The following UBE3C variants were observed in gnomAD, a reference collection of about 807,000 sequenced individuals.
The protein encoded by UBE3C is ubiquitin-protein ligase E3C.
In UBE3C, 42 loss-of-function variants were observed where a neutral mutation model predicts 129.4. The ratio of observed to expected loss-of-function variants is 0.32; its 90% CI spans 0.25 to 0.42. UBE3C has a LOEUF of 0.42. Among genes scored for constraint, UBE3C ranks in the 10% least tolerant of loss-of-function variants. UBE3C has a pLI of 1.00. For missense variants in UBE3C, 1,049 were observed against 1,319.1 expected (o/e 0.80, Z 3.17); for synonymous variants, 510 against 492.4 (o/e 1.04, Z -0.47).
intron 1 of UBE3C, among the ~76,000 whole-genome samples, chr7:157,148,994 T>G (rs547849074): frequency 1.3e-5 from 2 of 152,234 alleles, no homozygotes; most frequent in East Asian, 3.9e-4. Context: ...AATACAGTTA[T>G]GCTGTATCCT....
At chr7:157,267,558 A>G in intron 22 of UBE3C, 27 bp from the exon 23 acceptor site, 2 of 1,611,092 alleles carry the variant, frequency 1.2e-6, no homozygotes, top group Non-Finnish European at 8.5e-7. Context: ...TGTTACAGTG[A>G]CATCTTGCAC....
rs1285376614 is a variant in UBE3C, at chr7:157,269,333, A to G, written c.*1578A>G. On this transcript the variant is annotated 3_prime_UTR_variant, in exon 23 of 23. Transcript: ENST00000348165. ...GCTTATTTATTTATTTGTATGTTCT[A>G]ATGGCTAAACATTTACATTAAATGT... 6.6e-6 allele frequency: 1 copy of G among 152,234 alleles called. No individual in the cohort carries two copies. The highest frequency in any genetic ancestry group is 1.9e-4 in the East Asian group (1 of 5,204). 9.4% of individuals were successfully genotyped at this position (152,234 alleles called of 1,614,324 possible).
At chr7:157,154,965 T>C (rs372100576) in intron 1 of UBE3C, among the ~76,000 whole-genome samples, 11 of 152,356 alleles carry the variant, frequency 7.2e-5, no homozygotes, top group African/African-American at 2.4e-4. Flanking sequence ...TCAGTTTTTT[T>C]CCCCATCTTT....
chr7:157,193,346 G>A (rs994341108), intron 10 of UBE3C, among the ~76,000 whole-genome samples: 35 of 152,080 alleles, frequency 2.3e-4, no homozygotes, highest in Admixed American at 2.2e-3. Flanking sequence ...CAGATCATTG[G>A]GTGTCTCGCT....
At chr7:157,209,991 C>T (rs967859545) in intron 13 of UBE3C, among the ~76,000 whole-genome samples, 1 of 152,096 alleles carries the variant, frequency 6.6e-6, no homozygotes, top group Non-Finnish European at 1.5e-5. Context: ...CCAGCCTGGC[C>T]AAGATGGTGA....
chr7:157,142,930 G>C (rs972970893), intron 1 of UBE3C, among the ~76,000 whole-genome samples: 1 of 151,324 alleles, frequency 6.6e-6, no homozygotes, highest in Non-Finnish European at 1.5e-5. Flanking sequence ...GCAATGGTGC[G>C]ATCTCAGCTC....
intron 18 of UBE3C, among the ~76,000 whole-genome samples, chr7:157,241,937 T>C (rs1229100136): frequency 1.3e-5 from 2 of 152,172 alleles, no homozygotes; most frequent in Admixed American, 6.6e-5. Context: ...TCCATTTATA[T>C]GAAATGTCCA....
intron 18 of UBE3C, among the ~76,000 whole-genome samples, chr7:157,232,830 A>G (rs904602721): frequency 6.6e-6 from 1 of 152,232 alleles, no homozygotes; most frequent in African/African-American, 2.4e-5. Flanking sequence ...AGCTTAATTG[A>G]AAAATCAGTG....
At chr7:157,242,078 G>A (rs904410138) in intron 18 of UBE3C, among the ~76,000 whole-genome samples, 1 of 152,184 alleles carries the variant, frequency 6.6e-6, no homozygotes, top group African/African-American at 2.4e-5. Flanking sequence ...TTGTGGCGAT[G>A]GTCATACAAC....
intron 10 of UBE3C, among the ~76,000 whole-genome samples, chr7:157,189,634 G>A (rs1235129441): frequency 6.6e-6 from 1 of 152,170 alleles, no homozygotes; most frequent in Non-Finnish European, 1.5e-5. Flanking sequence ...GCCTTTGTGT[G>A]TATTTCACAT....
chr7:157,168,229 T>C (rs1319007714), intron 2 of UBE3C, among the ~76,000 whole-genome samples: 1 of 150,842 alleles, frequency 6.6e-6, no homozygotes. Flanking sequence ...CGGGTACCTG[T>C]AGTCCCAGCT....
At chr7:157,182,687 A>T (rs758794125) in intron 8 of UBE3C, among the ~76,000 whole-genome samples, 3 of 152,102 alleles carry the variant, frequency 2.0e-5, no homozygotes, top group Non-Finnish European at 4.4e-5. Flanking sequence ...ACATACATAC[A>T]TACATACATG....
chr7:157,267,597 G>A lies in UBE3C; in HGVS notation c.3094G>A (p.Ala1032Thr), dbSNP rs764746954. The change falls in exon 23 of 23, where the codon GCA (alanine) becomes ACA (threonine). Residue 1032 changes from alanine to threonine, a missense_variant. Physicochemically the swap from Ala to Thr is moderately conservative, Grantham distance 58. Around this residue, in one of 4 missense-constraint regions of UBE3C, gnomAD observed 243 missense variants for 368.7 expected, o/e 0.66. Coordinates refer to ENST00000348165, the MANE Select transcript of UBE3C (RefSeq NM_014671.3). ...TGCTGTTTTTCAGGAGTTGTATCCC[G>A]CATTTTGTATTCACAACGGAGGCTC... ...PLLGFKELYP[A>T]FCIHNGGSDL... is the part of the protein sequence containing the mutation. 9.9e-6 allele frequency: 16 copies of A among 1,612,380 alleles called. No individual in the cohort carries two copies. Among genetic ancestry groups the A allele is most frequent in the Non-Finnish European group, 1.3e-5 (15 of 1,179,460 alleles).
intron 10 of UBE3C, chr7:157,198,552 C>A: frequency 3.2e-6 from 1 of 311,398 alleles, no homozygotes; most frequent in South Asian, 2.9e-5. Context: ...TTATTTTTTT[C>A]GACAGGGAGT....
intron 18 of UBE3C, among the ~76,000 whole-genome samples, chr7:157,235,001 G>C (rs1796117239): frequency 6.6e-6 from 1 of 152,158 alleles, no homozygotes; most frequent in South Asian, 2.1e-4. Flanking sequence ...AGACCAGCCT[G>C]ACCAACATGG....
intron 10 of UBE3C, among the ~76,000 whole-genome samples, chr7:157,191,068 C>T (rs545076783): frequency 4.6e-5 from 7 of 152,110 alleles, no homozygotes; most frequent in Non-Finnish European, 8.8e-5. Flanking sequence ...TTATAATTTG[C>T]CCGTAGTTTC....
chr7:157,263,026 A>G (rs947712482), intron 22 of UBE3C: 1 of 152,308 alleles, frequency 6.6e-6, no homozygotes, highest in African/African-American at 2.4e-5. Context: ...TGACACTTAG[A>G]ATTGGATGTC....
At chr7:157,194,583 C>T (rs1213267854) in intron 10 of UBE3C, among the ~76,000 whole-genome samples, 2 of 152,124 alleles carry the variant, frequency 1.3e-5, no homozygotes, top group East Asian at 3.8e-4. Flanking sequence ...AGCCAAATTG[C>T]CTTAAACAGA....
At position 157,146,707 on chromosome 7, in the gene UBE3C, T is replaced by G. The variant is rs566200711; in HGVS notation, c.66+7369T>G. Among the ~76,000 whole-genome samples the G allele has an allele frequency of 3.3e-5, 5 of 152,284 alleles. No individual in the cohort carries two copies. The East Asian group carries it at 9.6e-4, about 29-fold the overall frequency. ...GAGCCTCCTGTTGCCCAGGCTGGAG[T>G]GCAGTGTTGTGACCTCGGCTCACTG... On this transcript the variant is annotated intron_variant, in intron 1 of 22. Transcript: ENST00000348165.
Sources: allele counts gnomAD v4.1 joint callset (sites outside exome capture counted in the v4.1 genomes callset), GRCh38; gene constraint gnomAD v4.1.1; regional missense constraint gnomAD v4.1.1; transcripts MANE v1.5; gene names NCBI Gene and HGNC (gene_info 2026-07-23, HGNC 2026-07-21).